ZFAND6: variants seen among roughly 807,000 people sequenced by gnomAD.
The protein encoded by ZFAND6 is AN1-type zinc finger protein 6.
A neutral mutation model predicts 24.5 loss-of-function variants in ZFAND6; 12 were observed. That is an observed-to-expected ratio of 0.49 (90% confidence interval 0.31 to 0.79). ZFAND6 has a LOEUF of 0.79. ZFAND6 is among the 30% of genes least tolerant of loss of function. The pLI is 0.04. For missense variants in ZFAND6, 207 were observed against 245.9 expected (o/e 0.84, Z 1.06); for synonymous variants, 92 against 81.5 (o/e 1.13, Z -0.69).
At chr15:80,097,838 GT>G (rs964265041) in intron 1 of ZFAND6, among the ~76,000 whole-genome samples, 92 of 145,348 alleles carry the variant, frequency 6.3e-4, no homozygotes, top group South Asian at 5.5e-3. Context: ...TAGTAGAATA[GT>G]TTTTTTTTTT....
chr15:80,073,338 A>T (rs965624906), intron 1 of ZFAND6: 1 of 336,786 alleles, frequency 3.0e-6, no homozygotes, highest in Admixed American at 4.1e-5. Flanking sequence ...TAGGTAGGCT[A>T]CTACAACTTT....
intron 1 of ZFAND6, among the ~76,000 whole-genome samples, chr15:80,095,947 T>C (rs144450339): frequency 4.6e-5 from 7 of 152,362 alleles, no homozygotes; most frequent in African/African-American, 1.7e-4. Context: ...ACTTAACATA[T>C]GGTATCCAAA....
chr15:80,103,708 C>T (rs907681740), intron 2 of ZFAND6, among the ~76,000 whole-genome samples: 3 of 152,184 alleles, frequency 2.0e-5, no homozygotes, highest in African/African-American at 7.2e-5. Flanking sequence ...ATTTGTAACC[C>T]ATTCTGCCTT....
At chr15:80,070,665 T>A (rs1278122498) in intron 1 of ZFAND6, among the ~76,000 whole-genome samples, 4 of 152,204 alleles carry the variant, frequency 2.6e-5, no homozygotes, top group Non-Finnish European at 5.9e-5. Context: ...TGGTGTTATA[T>A]TAGTGTATGA....
intron 1 of ZFAND6, among the ~76,000 whole-genome samples, chr15:80,084,258 T>C (rs1210868040): frequency 6.6e-6 from 1 of 152,146 alleles, no homozygotes; most frequent in Admixed American, 6.5e-5. Context: ...AAATTCGAAA[T>C]TTGAAATACT....
chr15:80,118,165 A>T (rs1169934037), intron 2 of ZFAND6, among the ~76,000 whole-genome samples: 1 of 152,114 alleles, frequency 6.6e-6, no homozygotes, highest in African/African-American at 2.4e-5. Context: ...TCTGTTGCCC[A>T]GGCTGGAGTG....
intron 5 of ZFAND6, among the ~76,000 whole-genome samples, chr15:80,127,589 C>CAAAAA (rs55872915): frequency 2.5e-5 from 3 of 120,064 alleles, no homozygotes; most frequent in Non-Finnish European, 5.0e-5. Flanking sequence ...AACTCCATCT[C>CAAAAA]AAAAAAAAAA....
intron 1 of ZFAND6, among the ~76,000 whole-genome samples, chr15:80,063,538 T>A (rs1334950822): frequency 6.6e-6 from 1 of 151,010 alleles, no homozygotes; most frequent in Non-Finnish European, 1.5e-5. Flanking sequence ...ACTACAGACA[T>A]GCACCACCAC....
chr15:80,060,910 A>G (rs2036298097), intron 1 of ZFAND6, among the ~76,000 whole-genome samples: 1 of 152,022 alleles, frequency 6.6e-6, no homozygotes, highest in Non-Finnish European at 1.5e-5. Context: ...ACAGAGGGAG[A>G]CTCCGTCTCA....
chr15:80,135,610 TGAAAA>T (rs753896497), intron 6 of ZFAND6, among the ~76,000 whole-genome samples: 36 of 152,132 alleles, frequency 2.4e-4, no homozygotes, highest in Non-Finnish European at 5.9e-5. Flanking sequence ...GGTTTGGAGA[TGAAAA>T]AGAAAGGAAG....
chr15:80,075,829 G>A (rs565403051), intron 1 of ZFAND6, among the ~76,000 whole-genome samples: 13 of 152,182 alleles, frequency 8.5e-5, no homozygotes, highest in African/African-American at 2.4e-4. Flanking sequence ...CAGTTTTGTC[G>A]TTAGTAGTGC....
chr15:80,066,993 G>A (rs903449898), intron 1 of ZFAND6, among the ~76,000 whole-genome samples: 1 of 151,978 alleles, frequency 6.6e-6, no homozygotes, highest in African/African-American at 2.4e-5. Flanking sequence ...TAGAAAATTT[G>A]GAACTTTGAT....
chr15:80,124,288 C>T (rs1368532121), intron 5 of ZFAND6, among the ~76,000 whole-genome samples: 2 of 152,102 alleles, frequency 1.3e-5, no homozygotes, highest in African/African-American at 4.8e-5. Context: ...AAAAAATTAG[C>T]TGGGCGTGGT....
chr15:80,070,227 C>T (rs914033639), intron 1 of ZFAND6, among the ~76,000 whole-genome samples: 7 of 152,130 alleles, frequency 4.6e-5, no homozygotes, highest in Admixed American at 1.3e-4. Flanking sequence ...CCAAATTGTT[C>T]AGTGGCTTGT....
At chr15:80,113,411 G>C (rs1186886030) in intron 2 of ZFAND6, among the ~76,000 whole-genome samples, 1 of 152,186 alleles carries the variant, frequency 6.6e-6, no homozygotes, top group Non-Finnish European at 1.5e-5. Context: ...CTATGGGTCA[G>C]ATTTAACTGA....
At chr15:80,109,217 C>G (rs947648513) in intron 2 of ZFAND6, among the ~76,000 whole-genome samples, 1 of 152,124 alleles carries the variant, frequency 6.6e-6, no homozygotes, top group African/African-American at 2.4e-5. Flanking sequence ...TTCATACATT[C>G]AATCAATATT....
At chr15:80,105,506 G>A (rs1378360888) in intron 2 of ZFAND6, among the ~76,000 whole-genome samples, 1 of 152,104 alleles carries the variant, frequency 6.6e-6, no homozygotes, top group Admixed American at 6.5e-5. Context: ...ACTTAAATAA[G>A]CCACCCAATT....
intron 1 of ZFAND6, among the ~76,000 whole-genome samples, chr15:80,094,832 C>CAT (rs2038621505): frequency 6.6e-6 from 1 of 151,956 alleles, no homozygotes; most frequent in African/African-American, 2.4e-5. Context: ...GTATCCCAGG[C>CAT]TGGAGTGCAA....
At chr15:80,069,113 T>G (rs1263662519) in intron 1 of ZFAND6, among the ~76,000 whole-genome samples, 1 of 152,174 alleles carries the variant, frequency 6.6e-6, no homozygotes, top group African/African-American at 2.4e-5. Context: ...ATATTTTATT[T>G]ATTTTTTTCT....
Sources: gnomAD v4.1 joint callset for allele counts (sites outside exome capture counted in the v4.1 genomes callset) on GRCh38, gnomAD v4.1.1 for gene constraint, MANE v1.5 for transcripts, NCBI Gene and HGNC (gene_info 2026-07-23, HGNC 2026-07-21) for gene names.